The following MECOM variants were observed in gnomAD, a reference collection of about 807,000 sequenced individuals.
The protein encoded by MECOM is MDS1 and EVI1 complex locus.
MECOM carries 13 observed loss-of-function variants against 116.3 expected under a neutral mutation model. That is an observed-to-expected ratio of 0.11 (90% CI 0.07 to 0.18). The LOEUF (loss-of-function observed/expected upper bound fraction) is 0.18, where lower values mean the gene tolerates loss of function less well. Ranked by LOEUF, MECOM falls within the 10% of genes least tolerant of loss-of-function variation. The probability of loss-of-function intolerance (pLI) is 1.00; values close to 1 mark genes in which losing one functional copy is unlikely to be tolerated. For synonymous variants in MECOM, 528 were observed against 535.2 expected (o/e 0.99, Z 0.19); for missense variants, 1,299 against 1,509.0 (o/e 0.86, Z 2.31).
At chr3:169,192,614 A>G (rs1391094398) in intron 2 of MECOM, among the ~76,000 whole-genome samples, 1 of 152,016 alleles carries the variant, frequency 6.6e-6, no homozygotes, top group African/African-American at 2.4e-5. Flanking sequence ...ATTCCTTCCA[A>G]TCACATAAGA....
intron 13 of MECOM, among the ~76,000 whole-genome samples, chr3:169,093,318 T>C (rs1018792294): frequency 6.6e-6 from 1 of 152,180 alleles, no homozygotes; most frequent in Admixed American, 6.5e-5. Flanking sequence ...ACTGAAATCA[T>C]GAAGTACAGT....
In MECOM at chr3:169,378,925, GT is replaced by G. The variant is rs536451038; in HGVS notation, c.375+2261del. On this transcript the variant is annotated intron_variant, in intron 2 of 16. Transcript: ENST00000651503. ...ATTTATTTGGGAGGAGGCCTAAGAG[GT>G]TTTTTTTTCTCCTTCATCATTTTTT... 5.3e-5 allele frequency among the ~76,000 whole-genome samples: 8 copies of G among 150,564 alleles called. No individual in the cohort carries two copies. The East Asian group carries it at 5.9e-4, about 11-fold the overall frequency.
chr3:169,208,112 G>T (rs1750189832), intron 2 of MECOM, among the ~76,000 whole-genome samples: 1 of 151,640 alleles, frequency 6.6e-6, no homozygotes, highest in Admixed American at 6.6e-5. Flanking sequence ...CACACAGCTG[G>T]CAACGAGTCT....
chr3:169,395,738 G>C (rs935966984), intron 1 of MECOM, among the ~76,000 whole-genome samples: 2 of 152,186 alleles, frequency 1.3e-5, no homozygotes, highest in Non-Finnish European at 2.9e-5. Flanking sequence ...CAGTAAACCA[G>C]TGTCAAATAT....
chr3:169,528,054 C>T (rs973341546), intron 1 of MECOM, among the ~76,000 whole-genome samples: 5 of 152,174 alleles, frequency 3.3e-5, no homozygotes, highest in Admixed American at 2.0e-4. Context: ...TGACTCCATA[C>T]CTACTGCCTC....
intron 1 of MECOM, among the ~76,000 whole-genome samples, chr3:169,458,203 T>C (rs1158278164): frequency 1.3e-5 from 2 of 152,186 alleles, no homozygotes; most frequent in Non-Finnish European, 2.9e-5. Context: ...TCTTTTTCTT[T>C]TCCACCCCCG....
chr3:169,335,978 T>C (rs1030728428), intron 2 of MECOM, among the ~76,000 whole-genome samples: 1 of 152,146 alleles, frequency 6.6e-6, no homozygotes, highest in Admixed American at 6.6e-5. Flanking sequence ...AATAAGGCAA[T>C]GGCAGACTTT....
chr3:169,474,748 T>C lies in MECOM; in HGVS notation c.38-93224A>G, dbSNP rs946520675. Among the ~76,000 whole-genome samples, 8 of 152,132 alleles carry C rather than the reference T, an allele frequency of 5.3e-5. No individual in the cohort carries two copies. The East Asian group carries it at 1.3e-3, about 26-fold the overall frequency. On this transcript the variant is annotated intron_variant, in intron 1 of 16. Coordinates refer to ENST00000651503, the MANE Select transcript of MECOM (RefSeq NM_004991.4). ...TGCTCTCTGAAACCTATGTCATCAA[T>C]GTGGATTAATATTTGCCCCCAGAAT...
chr3:169,150,053 A>T (rs1740956416), intron 2 of MECOM, among the ~76,000 whole-genome samples: 2 of 150,036 alleles, frequency 1.3e-5, no homozygotes, highest in African/African-American at 4.9e-5. Flanking sequence ...TCCTTTAGGT[A>T]TATAACAATA....
intron 2 of MECOM, among the ~76,000 whole-genome samples, chr3:169,324,956 AAACTGTGG>A (rs1721594338): frequency 6.6e-6 from 1 of 152,174 alleles, no homozygotes; most frequent in African/African-American, 2.4e-5. Flanking sequence ...GTTACCTTGC[AAACTGTGG>A]GTCCTACAGT....
intron 2 of MECOM, among the ~76,000 whole-genome samples, chr3:169,226,465 T>A (rs1421845998): frequency 1.3e-5 from 2 of 152,214 alleles, no homozygotes; most frequent in East Asian, 3.8e-4. Flanking sequence ...TAACAATACA[T>A]CTTTTCTGGA....
chr3:169,168,846 CAAAG>C (rs1425221510), intron 2 of MECOM, among the ~76,000 whole-genome samples: 3 of 150,542 alleles, frequency 2.0e-5, no homozygotes, highest in Non-Finnish European at 3.0e-5. Flanking sequence ...AAGAAAAACT[CAAAG>C]AAAATAAAAT....
At chr3:169,328,048 A>G (rs1305055501) in intron 2 of MECOM, among the ~76,000 whole-genome samples, 1 of 152,206 alleles carries the variant, frequency 6.6e-6, no homozygotes, top group Non-Finnish European at 1.5e-5. Flanking sequence ...TCAAGATTAC[A>G]ACATTTGAGC....
At chr3:169,264,477 A>T (rs570269951) in intron 2 of MECOM, among the ~76,000 whole-genome samples, 4 of 152,286 alleles carry the variant, frequency 2.6e-5, no homozygotes, top group East Asian at 1.9e-4. Context: ...AAATCAATTA[A>T]AAAAAAGCGA....
chr3:169,504,293 C>T (rs1311321438), intron 1 of MECOM, among the ~76,000 whole-genome samples: 1 of 151,292 alleles, frequency 6.6e-6, no homozygotes, highest in Non-Finnish European at 1.5e-5. Flanking sequence ...TAGGCTACAT[C>T]ACTTCAGCTG....
intron 1 of MECOM, among the ~76,000 whole-genome samples, chr3:169,618,528 G>A (rs1017570731): frequency 4.6e-5 from 7 of 151,998 alleles, no homozygotes; most frequent in Non-Finnish European, 5.9e-5. Flanking sequence ...ATGGTGGCGC[G>A]CGCCCGTAGT....
chr3:169,167,587 C>T (rs1255338925), intron 2 of MECOM, among the ~76,000 whole-genome samples: 2 of 152,236 alleles, frequency 1.3e-5, no homozygotes, highest in East Asian at 3.9e-4. Flanking sequence ...TTTGCAAATC[C>T]TCTATAATTG....
intron 1 of MECOM, among the ~76,000 whole-genome samples, chr3:169,509,346 T>C (rs942110589): frequency 1.3e-5 from 2 of 152,208 alleles, no homozygotes; most frequent in African/African-American, 4.8e-5. Flanking sequence ...TGGTAAAACA[T>C]ATATAAGATA....
chr3:169,269,452 G>A (rs972689093), intron 2 of MECOM, among the ~76,000 whole-genome samples: 8 of 151,974 alleles, frequency 5.3e-5, no homozygotes, highest in Admixed American at 4.6e-4. Context: ...AATACATGTG[G>A]ACAAAACGCT....
Sources: gnomAD v4.1 joint callset for allele counts (sites outside exome capture counted in the v4.1 genomes callset) on GRCh38, gnomAD v4.1.1 for gene constraint, MANE v1.5 for transcripts, NCBI Gene and HGNC (gene_info 2026-07-23, HGNC 2026-07-21) for gene names.